The following TRERF1 variants were observed in gnomAD, a reference collection of about 807,000 sequenced individuals.
TRERF1 encodes transcriptional-regulating factor 1.
TRERF1 carries 27 observed loss-of-function variants against 122.9 expected under a neutral mutation model. That is an observed-to-expected ratio of 0.22 (90% confidence interval 0.16 to 0.30). The LOEUF (loss-of-function observed/expected upper bound fraction) is 0.30. Among genes scored for constraint, TRERF1 ranks in the 10% least tolerant of loss-of-function variants. The pLI, the probability that TRERF1 is intolerant of heterozygous loss-of-function variation, is 1.00. For missense variants in TRERF1, 1,248 were observed against 1,560.3 expected, an observed-to-expected ratio of 0.80 and a Z score of 3.37; for synonymous variants, 636 against 641.7, an observed-to-expected ratio of 0.99 and a Z score of 0.13.
intron 8 of TRERF1, among the ~76,000 whole-genome samples, chr6:42,262,605 C>CAGAGAGAGAGAGAGAG (rs1778382356): frequency 8.4e-5 from 5 of 59,418 alleles, no homozygotes; most frequent in South Asian, 5.3e-4. Context: ...GAGAGACAGA[C>CAGAGAGAGAGAGAGAG]AGACGGAAAC....
intron 2 of TRERF1, among the ~76,000 whole-genome samples, chr6:42,420,406 G>A (rs1177937878): frequency 1.3e-5 from 2 of 152,228 alleles, no homozygotes; most frequent in South Asian, 2.1e-4. Context: ...CGCCTCCCGT[G>A]GTCCACCCAG....
intron 3 of TRERF1, 146 bp downstream of exon 3, chr6:42,362,851 A>C: frequency 6.5e-6 from 1 of 153,636 alleles, no homozygotes; most frequent in Non-Finnish European, 1.5e-5. Flanking sequence ...CCCAGAGAAA[A>C]TTTTCTAGAA....
intron 4 of TRERF1, among the ~76,000 whole-genome samples, chr6:42,290,946 G>A (rs1488424717): frequency 6.6e-6 from 1 of 151,970 alleles, no homozygotes; most frequent in Admixed American, 6.6e-5. Context: ...CTGGCCCGGT[G>A]TAAAGTCGCT....
chr6:42,262,612 A>AG (rs1169414320), intron 8 of TRERF1, among the ~76,000 whole-genome samples: 1 of 116,322 alleles, frequency 8.6e-6, no homozygotes, highest in Admixed American at 8.8e-5. Flanking sequence ...AGACAGACGG[A>AG]AACCCTTCCC....
intron 3 of TRERF1, among the ~76,000 whole-genome samples, chr6:42,332,555 A>G (rs1442396916): frequency 2.0e-5 from 3 of 152,186 alleles, no homozygotes; most frequent in Non-Finnish European, 1.5e-5. Context: ...AGCAGTCTCT[A>G]TTCCTTGATG....
intron 8 of TRERF1, among the ~76,000 whole-genome samples, chr6:42,260,780 C>T (rs1393609018): frequency 6.6e-6 from 1 of 152,136 alleles, no homozygotes; most frequent in African/African-American, 2.4e-5. Flanking sequence ...GGGCTGGCTA[C>T]GGTCATGTGA....
intron 3 of TRERF1, among the ~76,000 whole-genome samples, chr6:42,359,595 G>A (rs1335738715): frequency 1.3e-5 from 2 of 152,156 alleles, no homozygotes; most frequent in Middle Eastern, 3.2e-3. Context: ...GCGGTGGCGT[G>A]CGCCTGCAGT....
intron 5 of TRERF1, among the ~76,000 whole-genome samples, chr6:42,267,487 G>A (rs1779420775): frequency 6.6e-6 from 1 of 152,066 alleles, no homozygotes; most frequent in Admixed American, 6.6e-5. Context: ...AACTTAGCTG[G>A]GTGTGGTGGT....
chr6:42,239,728 C>T (rs1194658077), intron 15 of TRERF1, among the ~76,000 whole-genome samples: 3 of 152,016 alleles, frequency 2.0e-5, no homozygotes, highest in Non-Finnish European at 4.4e-5. Flanking sequence ...TCCCCAGGCG[C>T]ACCCTCCCCA....
intron 4 of TRERF1, among the ~76,000 whole-genome samples, chr6:42,287,175 G>A (rs1389091891): frequency 6.8e-6 from 1 of 146,834 alleles, no homozygotes; most frequent in Non-Finnish European, 1.5e-5. Context: ...ATAGCATCGG[G>A]AGATATACCT....
intron 3 of TRERF1, among the ~76,000 whole-genome samples, chr6:42,312,626 G>A (rs1314767317): frequency 6.6e-6 from 1 of 152,204 alleles, no homozygotes; most frequent in African/African-American, 2.4e-5. Context: ...CTGGGCATCT[G>A]CACCTTCGGG....
chr6:42,262,609 C>CAGACAGACAGACAGACAGACAGAG (rs878980808), intron 8 of TRERF1, among the ~76,000 whole-genome samples: 1 of 19,020 alleles, frequency 5.3e-5, no homozygotes, highest in East Asian at 1.2e-3. Context: ...GACAGACAGA[C>CAGACAGACAGACAGACAGACAGAG]GGAAACCCTT....
chr6:42,323,065 G>GAA (rs113799706), intron 3 of TRERF1, among the ~76,000 whole-genome samples: 109 of 145,160 alleles, frequency 7.5e-4, no homozygotes, highest in African/African-American at 2.5e-3. Flanking sequence ...CTATCTGAAT[G>GAA]AAAAAAAAAA....
chr6:42,264,491 C>T (rs1778791967), intron 7 of TRERF1, among the ~76,000 whole-genome samples: 1 of 152,252 alleles, frequency 6.6e-6, no homozygotes, highest in African/African-American at 2.4e-5. Flanking sequence ...CTTTCTAGCG[C>T]CTCTGATTTT....
chr6:42,406,580 G>GA (rs1305866937), intron 2 of TRERF1, among the ~76,000 whole-genome samples: 1 of 152,154 alleles, frequency 6.6e-6, no homozygotes, highest in Admixed American at 6.5e-5. Flanking sequence ...GTATATCCTA[G>GA]ACGACTGCTC....
chr6:42,420,731 A>G (rs1782640580), intron 2 of TRERF1, among the ~76,000 whole-genome samples: 1 of 152,204 alleles, frequency 6.6e-6, no homozygotes, highest in African/African-American at 2.4e-5. Flanking sequence ...TCAATCAAGA[A>G]TCAAACCCAG....
intron 3 of TRERF1, among the ~76,000 whole-genome samples, chr6:42,335,083 C>T (rs555991685): frequency 6.6e-6 from 1 of 152,292 alleles, no homozygotes; most frequent in African/African-American, 2.4e-5. Context: ...AGTGCTGTGC[C>T]TTCTACACAG....
At chr6:42,427,805 C>T (rs1783865675) in intron 2 of TRERF1, among the ~76,000 whole-genome samples, 1 of 152,118 alleles carries the variant, frequency 6.6e-6, no homozygotes, top group Admixed American at 6.5e-5. Context: ...CCGCCTCAGC[C>T]TCCCAAAATG....
intron 2 of TRERF1, among the ~76,000 whole-genome samples, chr6:42,438,960 T>G (rs1582245250): frequency 3.4e-5 from 5 of 149,148 alleles, no homozygotes; most frequent in South Asian, 2.2e-4. Flanking sequence ...GAGTGGAGAG[T>G]GGAAAGGGAG....
Sources: allele counts gnomAD v4.1 joint callset (sites outside exome capture counted in the v4.1 genomes callset), GRCh38; gene constraint gnomAD v4.1.1; transcripts MANE v1.5; gene names NCBI Gene and HGNC (gene_info 2026-07-23, HGNC 2026-07-21).